The following ZCWPW2 variants were observed in gnomAD, a reference collection of about 807,000 sequenced individuals.
ZCWPW2 encodes the protein zinc finger CW-type and PWWP domain containing 2.
In ZCWPW2, 45 loss-of-function variants were observed where a neutral mutation model predicts 46.6. That is an observed-to-expected ratio of 0.96 (90% CI 0.76 to 1.24). The LOEUF is 1.24. Ranked by LOEUF, ZCWPW2 falls within the 50% of genes most tolerant of loss-of-function variation. The pLI is 0.00. For synonymous variants in ZCWPW2, 152 were observed against 137.1 expected (o/e 1.11, Z -0.76); for missense variants, 429 against 403.9 (o/e 1.06, Z -0.53).
At chr3:28,496,168 A>G (rs771663205) in intron 6 of ZCWPW2, among the ~76,000 whole-genome samples, 5 of 152,080 alleles carry the variant, frequency 3.3e-5, no homozygotes, top group Admixed American at 6.6e-5. Context: ...ATATTTAGCC[A>G]TAAAAGGTAA....
In ZCWPW2 at chr3:28,465,346, C is replaced by G. The variant is rs1698779598; in HGVS notation, c.493-13468C>G. On this transcript the variant is annotated intron_variant, in intron 4 of 9. Coordinates refer to ENST00000383768, the MANE Select transcript of ZCWPW2 (RefSeq NM_001040432.4). ...TATTTAGTGAGATGCTGAGTCTTTG[C>G]TTCTTTCTTGTCAATCCAGAAGCCT... is the stretch of plus-strand genomic sequence containing the variant. 2.6e-5 allele frequency among the ~76,000 whole-genome samples: 4 copies of G among 152,214 alleles called. No individual in the cohort carries two copies. In the South Asian group the frequency reaches 8.3e-4, roughly 32 times the overall value.
chr3:28,450,904 A>T (rs1297010605), intron 4 of ZCWPW2, among the ~76,000 whole-genome samples: 1 of 152,168 alleles, frequency 6.6e-6, no homozygotes, highest in Admixed American at 6.6e-5. Context: ...AATATTGTTG[A>T]TCAGCTTTCC....
chr3:28,391,701 CACAGAGGATACTG>C (rs1271531852), intron 2 of ZCWPW2, among the ~76,000 whole-genome samples: 2 of 152,094 alleles, frequency 1.3e-5, no homozygotes, highest in African/African-American at 4.8e-5. Context: ...TGCTCTGCTC[CACAGAGGATACTG>C]ACAGCTTTCA....
chr3:28,370,436 C>G (rs566299067), intron 1 of ZCWPW2, among the ~76,000 whole-genome samples: 127 of 152,256 alleles, frequency 8.3e-4, no homozygotes, highest in African/African-American at 2.6e-3. Context: ...AATAAACTAG[C>G]TACAAGCAAT....
chr3:28,436,866 G>A (rs930650751), intron 4 of ZCWPW2, among the ~76,000 whole-genome samples: 2 of 152,124 alleles, frequency 1.3e-5, no homozygotes, highest in African/African-American at 4.8e-5. Flanking sequence ...AAGGATACGG[G>A]AATCTTTTAG....
At chr3:28,452,611 G>T (rs1298044667) in intron 4 of ZCWPW2, among the ~76,000 whole-genome samples, 1 of 152,132 alleles carries the variant, frequency 6.6e-6, no homozygotes, top group Non-Finnish European at 1.5e-5. Flanking sequence ...CTTTAAAATA[G>T]AAATTGTGAT....
In ZCWPW2 at chr3:28,506,376, G is replaced by A. The variant is rs563968674; in HGVS notation, c.658-7688G>A. Among the ~76,000 whole-genome samples the A allele has an allele frequency of 6.6e-5, 10 of 151,924 alleles. No individual in the cohort carries two copies. In the South Asian group the frequency reaches 2.1e-3, roughly 32 times the overall value. ...ATCTGATTCAGTAGGCCTAGGGTGG[G>A]CATAAAAATTTGCATTTCTATCAAG... On this transcript the variant is annotated intron_variant, in intron 6 of 9. Transcript: ENST00000383768.
intron 4 of ZCWPW2, among the ~76,000 whole-genome samples, chr3:28,477,667 A>T (rs976997130): frequency 1.3e-5 from 2 of 152,208 alleles, no homozygotes; most frequent in Non-Finnish European, 2.9e-5. Context: ...ATATAGTTTC[A>T]TTCTCTGAAT....
intron 1 of ZCWPW2, among the ~76,000 whole-genome samples, chr3:28,352,098 C>T (rs932576482): frequency 6.0e-5 from 9 of 150,456 alleles, no homozygotes; most frequent in Middle Eastern, 6.8e-3. Flanking sequence ...GTCTCCTTAC[C>T]CCTCCTTTCC....
rs147805565 is a variant in ZCWPW2, at chr3:28,374,543, G to T, written c.-133-15955G>T. 2.2e-4 allele frequency among the ~76,000 whole-genome samples: 33 copies of T among 152,172 alleles called. 2 individuals carry two copies. The highest frequency in any genetic ancestry group is 1.2e-3 in the South Asian group (6 of 4,810). On this transcript the variant is annotated intron_variant, in intron 1 of 9. Transcript: ENST00000383768. ...TTGGTAGATTGATAGGGATTATATT[G>T]AATTTGTAGGTTGCTTTGGGTAGTG... is the stretch of plus-strand genomic sequence containing the variant.
At chr3:28,463,483 G>T (rs1024708831) in intron 4 of ZCWPW2, among the ~76,000 whole-genome samples, 3 of 152,082 alleles carry the variant, frequency 2.0e-5, no homozygotes, top group Non-Finnish European at 4.4e-5. Context: ...TTGCTGTTGG[G>T]AGAGAAGCTT....
chr3:28,405,334 G>A (rs922236330), intron 2 of ZCWPW2, among the ~76,000 whole-genome samples: 1 of 152,094 alleles, frequency 6.6e-6, no homozygotes, highest in African/African-American at 2.4e-5. Context: ...AACATACTAA[G>A]GCAGGAAATT....
intron 8 of ZCWPW2, among the ~76,000 whole-genome samples, chr3:28,520,208 T>C (rs1402451466): frequency 6.6e-6 from 1 of 152,108 alleles, no homozygotes. Context: ...GGTTTCACCA[T>C]GTTAGCCAGG....
chr3:28,478,405 C>G (rs1699308296), intron 4 of ZCWPW2: 1 of 188,164 alleles, frequency 5.3e-6, no homozygotes, highest in Non-Finnish European at 1.1e-5. Context: ...CCACTGCACC[C>G]TGCCAAATTA....
At chr3:28,430,870 T>C (rs1341586796) in intron 3 of ZCWPW2, among the ~76,000 whole-genome samples, 12 of 152,194 alleles carry the variant, frequency 7.9e-5, no homozygotes, top group Admixed American at 7.2e-4. Flanking sequence ...TCTGCCATGA[T>C]TGTAAGTTTC....
chr3:28,430,444 C>T (rs1184410281), intron 3 of ZCWPW2, among the ~76,000 whole-genome samples: 1 of 152,192 alleles, frequency 6.6e-6, no homozygotes, highest in African/African-American at 2.4e-5. Flanking sequence ...CTTTTGATTT[C>T]ACAGGCTTAT....
At chr3:28,469,964 C>T (rs2125795752) in intron 4 of ZCWPW2, among the ~76,000 whole-genome samples, 1 of 152,284 alleles carries the variant, frequency 6.6e-6, no homozygotes, top group African/African-American at 2.4e-5. Flanking sequence ...CATCCTATGG[C>T]TGCAGAATGC....
At chr3:28,369,064 T>C (rs914385448) in intron 1 of ZCWPW2, among the ~76,000 whole-genome samples, 5 of 151,966 alleles carry the variant, frequency 3.3e-5, no homozygotes, top group Non-Finnish European at 7.4e-5. Context: ...ATTCGTCTAA[T>C]TTTTTTTCAA....
At chr3:28,460,953 T>G in intron 4 of ZCWPW2, 1 of 254,338 alleles carries the variant, frequency 3.9e-6, no homozygotes, top group South Asian at 3.8e-5. Context: ...GGATAATAAT[T>G]TTTTATTTCT....
Sources: allele counts gnomAD v4.1 joint callset (sites outside exome capture counted in the v4.1 genomes callset), GRCh38; gene constraint gnomAD v4.1.1; transcripts MANE v1.5; gene names NCBI Gene and HGNC (gene_info 2026-07-23, HGNC 2026-07-21).